The following KCNH5 variants were observed in gnomAD, a reference collection of about 807,000 sequenced individuals.
KCNH5 encodes potassium voltage-gated channel subfamily H member 5.
KCNH5 carries 46 observed loss-of-function variants against 96.1 expected under a neutral mutation model. That is an observed-to-expected ratio of 0.48 (90% confidence interval 0.38 to 0.61). The LOEUF is 0.61. KCNH5 is among the 20% of genes least tolerant of loss of function. KCNH5 has a pLI of 0.00. For synonymous variants in KCNH5, 439 were observed against 449.8 expected (o/e 0.98, Z 0.30); for missense variants, 907 against 1,225.8 (o/e 0.74, Z 3.88).
At chr14:62,728,401 A>C (rs1371383733) in intron 10 of KCNH5, among the ~76,000 whole-genome samples, 1 of 151,866 alleles carries the variant, frequency 6.6e-6, no homozygotes, top group East Asian at 1.9e-4. Context: ...AAAAAAAAAA[A>C]AAAAATGAGA....
At chr14:62,953,914 T>C (rs1890052879) in intron 6 of KCNH5, among the ~76,000 whole-genome samples, 1 of 152,162 alleles carries the variant, frequency 6.6e-6, no homozygotes, top group African/African-American at 2.4e-5. Context: ...TGTCTAACCA[T>C]GTCCCTCTCT....
At position 62,935,428 on chromosome 14, in the gene KCNH5, C is replaced by T. The variant is rs374908926; in HGVS notation, c.1369+14705G>A. Among the ~76,000 whole-genome samples the T allele has an allele frequency of 3.8e-4, 58 of 152,026 alleles. 4 individuals are homozygous for T. The South Asian group carries it at 7.7e-3, about 20-fold the overall frequency. ...AAGAATTAAAGAATATAATTAGAGACCATGATGAAGAAATAATGAAGTATA... is the reference window on the plus strand; with the variant it reads ...AAGAATTAAAGAATATAATTAGAGATCATGATGAAGAAATAATGAAGTATA... On this transcript the variant is annotated intron_variant, in intron 7 of 10. Coordinates refer to ENST00000322893, the MANE Select transcript of KCNH5 (RefSeq NM_139318.5).
chr14:62,930,486 A>G (rs183415206), intron 7 of KCNH5, among the ~76,000 whole-genome samples: 37 of 152,296 alleles, frequency 2.4e-4, no homozygotes, highest in African/African-American at 8.4e-4. Context: ...AACAATGTTC[A>G]TAAGATACAG....
At chr14:62,861,041 AT>A (rs771083770) in intron 7 of KCNH5, among the ~76,000 whole-genome samples, 2 of 152,338 alleles carry the variant, frequency 1.3e-5, no homozygotes, top group African/African-American at 2.4e-5. Flanking sequence ...TTTTTGTGAC[AT>A]GATTTTTCAA....
In KCNH5 at chr14:62,980,997, G is replaced by A. The variant is rs747654948; in HGVS notation, c.817C>T (p.Pro273Ser). The change falls in exon 6 of 11, where the codon CCC becomes TCC. Residue 273 changes from proline to serine, a missense_variant. Transcript: ENST00000322893. Reference protein sequence around the residue: ...VLNFHTTFVGPGGEVISDPKL... With the variant: ...VLNFHTTFVGSGGEVISDPKL... The stretch of plus-strand genomic sequence containing the variant: ...GGGTCAGAAATGACCTCTCCACCGG[G>A]CCCCACGAAAGTCGTGTGAAAATTT... 8.1e-6 allele frequency: 13 copies of A among 1,614,036 alleles called. No individual in the cohort carries two copies. In the Admixed American group the frequency reaches 8.3e-5, roughly 10 times the overall value.
At chr14:62,938,909 A>G (rs1889735480) in intron 7 of KCNH5, among the ~76,000 whole-genome samples, 1 of 152,254 alleles carries the variant, frequency 6.6e-6, no homozygotes, top group South Asian at 2.1e-4. Flanking sequence ...TATGCATCTA[A>G]TAATCGAACA....
chr14:62,951,013 T>C (rs1208233917), intron 6 of KCNH5, among the ~76,000 whole-genome samples: 1 of 152,168 alleles, frequency 6.6e-6, no homozygotes, highest in Non-Finnish European at 1.5e-5. Context: ...AGCAGAACTC[T>C]GAAAAAGGAA....
intron 7 of KCNH5, among the ~76,000 whole-genome samples, chr14:62,872,258 A>G (rs369777701): frequency 5.1e-4 from 78 of 152,342 alleles, no homozygotes; most frequent in African/African-American, 1.7e-3. Context: ...TAATCACTCT[A>G]TGGTATTATT....
chr14:62,958,342 T>G (rs1362475426), intron 6 of KCNH5, among the ~76,000 whole-genome samples: 1 of 152,234 alleles, frequency 6.6e-6, no homozygotes. Flanking sequence ...GTGATATCCA[T>G]GGAGGTGAGC....
chr14:62,902,136 C>T lies in KCNH5; in HGVS notation c.1369+47997G>A, dbSNP rs1161795791. Among the ~76,000 whole-genome samples, 4 of 152,006 alleles carry T rather than the reference C, an allele frequency of 2.6e-5. No individual in the cohort carries two copies. In the East Asian group the frequency reaches 7.7e-4, roughly 29 times the overall value. ...GTTAGACTTTTGTCATTGTAGTTTG[C>T]AAATATTTTCTCCCATTATGTAGGC... On this transcript the variant is annotated intron_variant, in intron 7 of 10. Coordinates refer to ENST00000322893, the MANE Select transcript of KCNH5 (RefSeq NM_139318.5).
At chr14:63,044,382 G>T (rs1397852553) in intron 1 of KCNH5, among the ~76,000 whole-genome samples, 2 of 152,202 alleles carry the variant, frequency 1.3e-5, no homozygotes, top group African/African-American at 2.4e-5. Context: ...AACGCCAGTA[G>T]CAAGGTAGGA....
chr14:63,015,479 C>T (rs1448934490), intron 2 of KCNH5, among the ~76,000 whole-genome samples: 2 of 151,994 alleles, frequency 1.3e-5, no homozygotes, highest in Admixed American at 6.6e-5. Flanking sequence ...CTGCCTTTCT[C>T]TCTCTGTATG....
chr14:62,892,828 T>C (rs987055146), intron 7 of KCNH5, among the ~76,000 whole-genome samples: 22 of 152,174 alleles, frequency 1.4e-4, no homozygotes, highest in African/African-American at 3.9e-4. Context: ...CACTGGATAT[T>C]TTAAGCCTAT....
chr14:62,856,647 A>G (rs553833099), intron 7 of KCNH5, among the ~76,000 whole-genome samples: 1 of 152,252 alleles, frequency 6.6e-6, no homozygotes, highest in Non-Finnish European at 1.5e-5. Context: ...TCATCTTCAG[A>G]AACTTCCAGT....
chr14:62,745,658 G>C (rs1198280579), intron 10 of KCNH5, among the ~76,000 whole-genome samples: 1 of 152,128 alleles, frequency 6.6e-6, no homozygotes, highest in African/African-American at 2.4e-5. Context: ...GGTGAGGTTG[G>C]AAGAATAAAC....
chr14:63,038,228 G>C (rs1275381796), intron 1 of KCNH5, among the ~76,000 whole-genome samples: 1 of 152,148 alleles, frequency 6.6e-6, no homozygotes. Flanking sequence ...GGTTACTTTA[G>C]GAGACAAAAA....
chr14:62,917,693 C>CACTG (rs1171179030), intron 7 of KCNH5, among the ~76,000 whole-genome samples: 2 of 152,186 alleles, frequency 1.3e-5, no homozygotes, highest in African/African-American at 2.4e-5. Flanking sequence ...GGTACTCTTT[C>CACTG]ACTGACCCAT....
chr14:62,871,756 A>G (rs1888259685), intron 7 of KCNH5, among the ~76,000 whole-genome samples: 1 of 152,212 alleles, frequency 6.6e-6, no homozygotes, highest in Admixed American at 6.5e-5. Context: ...ATATGCTTCC[A>G]TGTGCATCAG....
chr14:62,720,538 G>C (rs1481652701), intron 10 of KCNH5, among the ~76,000 whole-genome samples: 1 of 152,118 alleles, frequency 6.6e-6, no homozygotes, highest in Non-Finnish European at 1.5e-5. Context: ...AGCTGAGATC[G>C]CGCCACTGCA....
Sources: allele counts gnomAD v4.1 joint callset (sites outside exome capture counted in the v4.1 genomes callset), GRCh38; gene constraint gnomAD v4.1.1; transcripts MANE v1.5; gene names NCBI Gene and HGNC (gene_info 2026-07-23, HGNC 2026-07-21).